MACROH2A2: variants seen among roughly 807,000 people sequenced by gnomAD.
The protein encoded by MACROH2A2 is core histone macro-H2A.2.
Under a neutral mutation model 37.6 loss-of-function variants are expected in MACROH2A2, and 6 were observed. That is an observed-to-expected ratio of 0.16 (90% confidence interval 0.09 to 0.32). The LOEUF (loss-of-function observed/expected upper bound fraction) is 0.32, where lower values mean the gene tolerates loss of function less well. MACROH2A2 is among the 10% of genes least tolerant of loss of function. MACROH2A2 has a pLI of 1.00. For synonymous variants in MACROH2A2, 192 were observed against 202.7 expected (o/e 0.95, Z 0.45); for missense variants, 290 against 485.9 (o/e 0.60, Z 3.79).
intron 7 of MACROH2A2, among the ~76,000 whole-genome samples, chr10:70,106,437 C>T (rs972137727): frequency 9.9e-5 from 15 of 152,184 alleles, no homozygotes; most frequent in Admixed American, 1.3e-4. Flanking sequence ...GAAATGTCAT[C>T]GTGCACTACC....
At chr10:70,105,525 C>A (rs2072332306) in intron 7 of MACROH2A2, among the ~76,000 whole-genome samples, 1 of 152,130 alleles carries the variant, frequency 6.6e-6, no homozygotes, top group South Asian at 2.1e-4. Context: ...CCAGAAAGAG[C>A]AAGAAATGGA....
intron 6 of MACROH2A2, among the ~76,000 whole-genome samples, chr10:70,097,296 G>A (rs553197440): frequency 7.2e-5 from 11 of 152,228 alleles, no homozygotes; most frequent in East Asian, 1.9e-4. Flanking sequence ...CTGAACCTCC[G>A]TTTCCTCCTC....
intron 6 of MACROH2A2, chr10:70,099,170 GT>G (rs1327887341): frequency 6.6e-6 from 1 of 152,164 alleles, no homozygotes; most frequent in Non-Finnish European, 1.5e-5. Context: ...CCATTTCTCA[GT>G]TGCATCATGG....
chr10:70,076,232 A>T (rs1313766269), intron 2 of MACROH2A2, among the ~76,000 whole-genome samples: 1 of 152,234 alleles, frequency 6.6e-6, no homozygotes, highest in Non-Finnish European at 1.5e-5. Context: ...ATTGCTCATT[A>T]AACATTAGTT....
intron 2 of MACROH2A2, among the ~76,000 whole-genome samples, chr10:70,089,766 T>A (rs927027418): frequency 4.2e-5 from 6 of 143,490 alleles, no homozygotes; most frequent in East Asian, 1.9e-4. Context: ...TTTTTTTAAA[T>A]TTTTTTTTTA....
At chr10:70,097,198 G>A (rs549249603) in intron 6 of MACROH2A2, among the ~76,000 whole-genome samples, 1 of 152,278 alleles carries the variant, frequency 6.6e-6, no homozygotes, top group East Asian at 1.9e-4. Context: ...AGGTGGTTAA[G>A]AGGGCAGGTT....
Position 70,111,637 on chromosome 10 carries a change from G to A in MACROH2A2, c.1073G>A (p.Ser358Asn). ...TACTTCCTGCTCTTCGACAGCGAGA[G>A]CATCGGCATCTACGTGCAGGAGATG... ...NVYFLLFDSE[S>N]IGIYVQEMAK... Residue 358 changes from serine to asparagine, a missense_variant, in exon 9 of 9, where the codon AGC (serine) becomes AAC (asparagine). Ser to Asn is a conservative substitution (Grantham distance 46). This residue lies in a region of MACROH2A2 where 130 missense variants were observed against 257.1 expected (regional missense o/e 0.51). Coordinates refer to ENST00000373255, the MANE Select transcript of MACROH2A2 (RefSeq NM_018649.3). 1 of 1,613,350 alleles carries A rather than the reference G, an allele frequency of 6.2e-7. No individual in the cohort carries two copies. Among genetic ancestry groups the A allele is most frequent in the Non-Finnish European group, 8.5e-7 (1 of 1,179,752 alleles).
At position 70,075,374 on chromosome 10, in the gene MACROH2A2, A is replaced by C. The variant is rs1363780632; in HGVS notation, c.-59-226A>C. Among the ~76,000 whole-genome samples, 1 of 152,100 alleles carries C rather than the reference A, an allele frequency of 6.6e-6. No homozygotes were observed. The highest frequency in any genetic ancestry group is 1.5e-5 in the Non-Finnish European group (1 of 68,016). ...CAGTTTTCTGTGGCCTTTCCTCTTG[A>C]GGTCAGGCTGCTTTGGTGGGGGAGG... On this transcript the variant is annotated intron_variant, in intron 1 of 8. Transcript: ENST00000373255. This position sits in a 1 kb window ranked among gnomAD's most constrained non-coding sequence, Gnocchi z 5.0.
chr10:70,087,650 A>G (rs568353096), intron 2 of MACROH2A2, among the ~76,000 whole-genome samples: 6 of 152,266 alleles, frequency 3.9e-5, no homozygotes, highest in East Asian at 3.9e-4. Context: ...AGTATAATCC[A>G]TGGGTTCACA....
At chr10:70,079,565 G>GCGCGCGCGCACA (rs1386558755) in intron 2 of MACROH2A2, among the ~76,000 whole-genome samples, 23 of 126,262 alleles carry the variant, frequency 1.8e-4, no homozygotes, top group African/African-American at 7.4e-4. Flanking sequence ...GCGCGCGCGC[G>GCGCGCGCGCACA]CACACACACA....
chr10:70,071,080 T>C (rs1191121374), intron 1 of MACROH2A2, among the ~76,000 whole-genome samples: 1 of 128,330 alleles, frequency 7.8e-6, no homozygotes, highest in Admixed American at 7.2e-5. Flanking sequence ...TGTGCATGAG[T>C]GTGTGTGTGT....
chr10:70,103,002 G>A (rs1262195865), intron 7 of MACROH2A2, among the ~76,000 whole-genome samples: 3 of 150,822 alleles, frequency 2.0e-5, no homozygotes, highest in Non-Finnish European at 4.4e-5. Flanking sequence ...AGAGTATAAA[G>A]AGGGCCAGAG....
chr10:70,064,432 A>C (rs2072067374), intron 1 of MACROH2A2, among the ~76,000 whole-genome samples: 1 of 152,200 alleles, frequency 6.6e-6, no homozygotes, highest in South Asian at 2.1e-4. Flanking sequence ...ACACCACAAA[A>C]TAAACCTCCC....
chr10:70,087,903 T>C (rs1328501301), intron 2 of MACROH2A2, among the ~76,000 whole-genome samples: 3 of 152,256 alleles, frequency 2.0e-5, no homozygotes, highest in Non-Finnish European at 4.4e-5. Context: ...TTTATTCTAA[T>C]TTTTTGTTAA....
chr10:70,094,917 C>T (rs1427374854), intron 5 of MACROH2A2, among the ~76,000 whole-genome samples: 1 of 152,148 alleles, frequency 6.6e-6, no homozygotes, highest in Non-Finnish European at 1.5e-5. Flanking sequence ...AGCCCTGCCC[C>T]ACAGATTTTG....
At chr10:70,108,219 AAAAAT>A (rs1313004629) in intron 7 of MACROH2A2, among the ~76,000 whole-genome samples, 10 of 152,122 alleles carry the variant, frequency 6.6e-5, no homozygotes, top group Admixed American at 3.3e-4. Flanking sequence ...AAAAAAAACT[AAAAAT>A]AAAAAAATAA....
intron 5 of MACROH2A2, among the ~76,000 whole-genome samples, chr10:70,094,250 G>T (rs934664074): frequency 3.3e-5 from 5 of 152,150 alleles, no homozygotes; most frequent in Admixed American, 3.3e-4. Context: ...AAAGAAAATA[G>T]AAATATATGT....
chr10:70,101,884 T>C (rs2072309319), intron 7 of MACROH2A2, among the ~76,000 whole-genome samples: 1 of 152,242 alleles, frequency 6.6e-6, no homozygotes, highest in Admixed American at 6.5e-5. Context: ...CATTTACTGA[T>C]GGACATTTGG....
intron 1 of MACROH2A2, among the ~76,000 whole-genome samples, chr10:70,054,294 G>A (rs1287107819): frequency 6.6e-6 from 1 of 152,204 alleles, no homozygotes; most frequent in Non-Finnish European, 1.5e-5. Flanking sequence ...CTGAGTGTTT[G>A]AGGGGACGCG....
Sources: gnomAD v4.1 joint callset for allele counts (sites outside exome capture counted in the v4.1 genomes callset) on GRCh38, gnomAD v4.1.1 for gene constraint, gnomAD v4.1.1 regional missense constraint, Gnocchi (gnomAD v3.1) non-coding constraint, MANE v1.5 for transcripts, NCBI Gene and HGNC (gene_info 2026-07-23, HGNC 2026-07-21) for gene names.